AMZ1: variants seen among roughly 807,000 people sequenced by gnomAD.
The protein encoded by AMZ1 is archaemetzincin-1.
AMZ1 carries 39 observed loss-of-function variants against 29.9 expected under a neutral mutation model. The observed-to-expected ratio is 1.30, with a 90% CI of 1.01 to 1.70. AMZ1 has a LOEUF of 1.70. Among genes scored for constraint, AMZ1 ranks in the 40% most tolerant of loss-of-function variants. AMZ1 has a pLI of 0.00. For synonymous variants in AMZ1, 458 were observed against 304.0 expected (o/e 1.51, Z -5.27); for missense variants, 1,041 against 680.6 (o/e 1.53, Z -5.89).
intron 4 of AMZ1, among the ~76,000 whole-genome samples, chr7:2,748,371 C>T (rs1583230800): frequency 2.6e-5 from 4 of 152,222 alleles, no homozygotes; most frequent in Non-Finnish European, 5.9e-5. Context: ...CTACAACTAT[C>T]TGATCTTTGA....
At chr7:2,762,868 G>A, upstream of AMZ1, 2 of 1,450,768 alleles carry the variant, frequency 1.4e-6, no homozygotes, top group Non-Finnish European at 1.8e-6. Flanking sequence ...GGCCAGCTCC[G>A]AGCCCTGCTC....
intron 4 of AMZ1, chr7:2,733,494 G>T: frequency 6.2e-7 from 1 of 1,613,204 alleles, no homozygotes; most frequent in Non-Finnish European, 8.5e-7. Flanking sequence ...GTACTTCACC[G>T]ACTCCCCCTG....
In AMZ1 at chr7:2,716,790, A is replaced by T. The variant is rs903070695; in HGVS notation, c.*3912A>T. 6.6e-6 allele frequency among the ~76,000 whole-genome samples: 1 copy of T among 152,132 alleles called. No individual in the cohort carries two copies. Among genetic ancestry groups the T allele is most frequent in the Non-Finnish European group, 1.5e-5 (1 of 68,024 alleles). On this transcript the variant is annotated 3_prime_UTR_variant, in exon 7 of 7. Transcript: ENST00000683327. ...TAAGGGGTCCTTCCTATGTAACGGA[A>T]TTTTTTTACATCATCATCGAGTCTC... is the stretch of plus-strand genomic sequence containing the variant.
At chr7:2,736,942 G>C (rs983985887) in intron 4 of AMZ1, among the ~76,000 whole-genome samples, 2 of 152,212 alleles carry the variant, frequency 1.3e-5, no homozygotes, top group Non-Finnish European at 2.9e-5. Flanking sequence ...AGACCCTCGA[G>C]ATCAGTACAT....
upstream of AMZ1, chr7:2,763,044 G>C (rs547878062): frequency 8.0e-7 from 1 of 1,248,096 alleles, no homozygotes; most frequent in African/African-American, 1.5e-5. Context: ...TCAGCGTGCC[G>C]TTCCTCCAGG....
intron 4 of AMZ1, among the ~76,000 whole-genome samples, chr7:2,744,776 A>T (rs902982701): frequency 6.6e-6 from 1 of 152,188 alleles, no homozygotes; most frequent in Non-Finnish European, 1.5e-5. Flanking sequence ...TTTGAAAAAA[A>T]ATTAGACAAA....
intron 1 of AMZ1, among the ~76,000 whole-genome samples, chr7:2,692,603 G>A (rs1026110314): frequency 1.3e-5 from 2 of 152,092 alleles, no homozygotes; most frequent in African/African-American, 4.8e-5. Flanking sequence ...GTTGTTGAGG[G>A]CATTCCAGCT....
chr7:2,693,158 G>A (rs1787504630), intron 1 of AMZ1, among the ~76,000 whole-genome samples: 1 of 152,232 alleles, frequency 6.6e-6, no homozygotes, highest in African/African-American at 2.4e-5. Flanking sequence ...CCGGAGTGCA[G>A]TGGCGCGATT....
intron 6 of AMZ1, among the ~76,000 whole-genome samples, chr7:2,710,675 A>G (rs1435919685): frequency 5.3e-5 from 8 of 152,244 alleles, no homozygotes; most frequent in Admixed American, 2.0e-4. Context: ...ATCTCTCTGC[A>G]GGGATCCTCT....
intron 4 of AMZ1, among the ~76,000 whole-genome samples, chr7:2,733,120 A>G (rs1789984209): frequency 6.6e-6 from 1 of 152,212 alleles, no homozygotes; most frequent in Non-Finnish European, 1.5e-5. Context: ...GTAATCAGTG[A>G]TAACTGCCAT....
At chr7:2,698,786 T>C (rs962607593) in intron 1 of AMZ1, among the ~76,000 whole-genome samples, 3 of 152,078 alleles carry the variant, frequency 2.0e-5, no homozygotes, top group African/African-American at 7.2e-5. Flanking sequence ...CAGTGAGCTA[T>C]GATTGCACCA....
chr7:2,756,561 G>C (rs1791306646), intron 4 of AMZ1, among the ~76,000 whole-genome samples: 1 of 151,220 alleles, frequency 6.6e-6, no homozygotes, highest in African/African-American at 2.4e-5. Context: ...GCTGCAGTGA[G>C]CCACAATCGT....
At chr7:2,696,092 C>A (rs149678013) in intron 1 of AMZ1, among the ~76,000 whole-genome samples, 5 of 151,876 alleles carry the variant, frequency 3.3e-5, no homozygotes, top group Non-Finnish European at 5.9e-5. Flanking sequence ...CTCGCCCCGC[C>A]CCCCACAACC....
chr7:2,700,622 C>T lies in AMZ1; in HGVS notation c.171C>T (p.Thr57=), dbSNP rs538800719. The T allele has an allele frequency of 1.2e-5, 19 of 1,611,130 alleles. No individual in the cohort carries two copies. The highest frequency in any genetic ancestry group is 9.3e-5 in the African/African-American group (7 of 75,052). Residue 57 remains threonine (T), a synonymous_variant, in exon 2 of 7, where the codon ACC becomes ACT. Transcript: ENST00000683327. The part of the protein sequence containing the change: ...AYNPQRTLFC[T]LLIRTGFDWL... Reference sequence around the variant, plus strand: ...ACCCGCAGAGGACGCTCTTCTGCACCCTGCTCATCCGCACGGGCTTCGACT... The same window carrying T: ...ACCCGCAGAGGACGCTCTTCTGCACTCTGCTCATCCGCACGGGCTTCGACT...
At chr7:2,701,995 G>T (rs1309008955) in intron 2 of AMZ1, 4 of 152,368 alleles carry the variant, frequency 2.6e-5, no homozygotes, top group Non-Finnish European at 5.9e-5. Context: ...ACAGGGGCCG[G>T]GTCAGGAGGT....
intron 4 of AMZ1, among the ~76,000 whole-genome samples, chr7:2,758,403 GCAGA>G (rs1791401652): frequency 6.6e-6 from 1 of 152,192 alleles, no homozygotes; most frequent in Non-Finnish European, 1.5e-5. Context: ...GGTGTAAAGG[GCAGA>G]CAGTGTCTCA....
intron 4 of AMZ1, among the ~76,000 whole-genome samples, chr7:2,740,908 G>C (rs1467776151): frequency 6.6e-6 from 1 of 152,162 alleles, no homozygotes; most frequent in African/African-American, 2.4e-5. Flanking sequence ...AGTCGGGCGT[G>C]GTGGCAGGTG....
At chr7:2,741,654 C>A (rs576406774) in intron 4 of AMZ1, among the ~76,000 whole-genome samples, 1 of 149,028 alleles carries the variant, frequency 6.7e-6, no homozygotes, top group African/African-American at 2.4e-5. Flanking sequence ...CTGTTCACAT[C>A]TTCTCTCATT....
intron 4 of AMZ1, among the ~76,000 whole-genome samples, chr7:2,746,355 C>G (rs1790762854): frequency 1.3e-5 from 2 of 152,156 alleles, no homozygotes; most frequent in South Asian, 4.2e-4. Context: ...AACTAGAACT[C>G]AGGATTAAGA....
Sources: gnomAD v4.1 joint callset for allele counts (sites outside exome capture counted in the v4.1 genomes callset) on GRCh38, gnomAD v4.1.1 for gene constraint, MANE v1.5 for transcripts, NCBI Gene and HGNC (gene_info 2026-07-23, HGNC 2026-07-21) for gene names.